The following FRMPD4 variants were observed in gnomAD, a reference collection of about 807,000 sequenced individuals.
FRMPD4 encodes the protein FERM and PDZ domain-containing protein 4.
FRMPD4 carries 22 observed loss-of-function variants against 94.1 expected under a neutral mutation model. That is an observed-to-expected ratio of 0.23 (90% CI 0.17 to 0.33). The LOEUF (loss-of-function observed/expected upper bound fraction) is 0.33, where lower values mean the gene tolerates loss of function less well. Ranked by LOEUF, FRMPD4 falls within the 10% of genes least tolerant of loss-of-function variation. The pLI, the probability that FRMPD4 is intolerant of heterozygous loss-of-function variation, is 1.00. For missense variants in FRMPD4, 1,111 were observed against 1,339.9 expected, an observed-to-expected ratio of 0.83 and a Z score of 2.67; for synonymous variants, 631 against 548.6, an observed-to-expected ratio of 1.15 and a Z score of -2.10.
intron 3 of FRMPD4, among the ~76,000 whole-genome samples, chrX:12,083,225 G>A (rs894890668): frequency 2.7e-5 from 3 of 112,768 alleles, no homozygotes; most frequent in Non-Finnish European, 3.8e-5. Flanking sequence ...CTAGGGACTT[G>A]GTGCCCTGCG....
intron 1 of FRMPD4, among the ~76,000 whole-genome samples, chrX:12,389,148 A>G (rs1331831859): frequency 9.2e-6 from 1 of 108,683 alleles, no homozygotes; most frequent in Non-Finnish European, 1.9e-5. Flanking sequence ...TGTGGTGGAT[A>G]TAGCTAATAA....
Position 12,362,408 on chromosome X carries a change from C to T in FRMPD4, c.42-136272C>T, listed in dbSNP as rs978518606. Among the ~76,000 whole-genome samples, 6 of 110,361 alleles carry T rather than the reference C, an allele frequency of 5.4e-5. No individual in the cohort carries two copies. The East Asian group carries it at 1.1e-3, about 21-fold the overall frequency. On this transcript the variant is annotated intron_variant, in intron 1 of 16. Transcript: ENST00000675598. ...TGTGTGATGTTCCCCACCCTGTGTCCAAGTGTTCTCATTGTTCAATTCCCA... is the reference window on the plus strand; with the variant it reads ...TGTGTGATGTTCCCCACCCTGTGTCTAAGTGTTCTCATTGTTCAATTCCCA...
At chrX:12,563,457 G>C (rs1602136675) in intron 2 of FRMPD4, among the ~76,000 whole-genome samples, 2 of 111,885 alleles carry the variant, frequency 1.8e-5, no homozygotes, top group East Asian at 5.6e-4. Context: ...GTGACCGCTG[G>C]TCTGAATCAT....
intron 2 of FRMPD4, among the ~76,000 whole-genome samples, chrX:12,593,736 T>C (rs771360845): frequency 8.9e-6 from 1 of 111,840 alleles, no homozygotes; most frequent in Non-Finnish European, 1.9e-5. Context: ...TCCCTCGGTC[T>C]CATGTTTCTT....
At chrX:12,261,526 C>A (rs2054189201) in intron 1 of FRMPD4, among the ~76,000 whole-genome samples, 1 of 111,472 alleles carries the variant, frequency 9.0e-6, no homozygotes, top group Non-Finnish European at 1.9e-5. Flanking sequence ...TAAAGGACTG[C>A]CAAACATTAT....
chrX:12,209,638 G>C (rs2056733336), intron 1 of FRMPD4, among the ~76,000 whole-genome samples: 1 of 112,278 alleles, frequency 8.9e-6, no homozygotes, highest in Non-Finnish European at 1.9e-5. Context: ...CTTGGTTCAT[G>C]GGAGTGGTTG....
At chrX:12,517,478 G>T (rs2058112578) in intron 2 of FRMPD4, among the ~76,000 whole-genome samples, 1 of 107,560 alleles carries the variant, frequency 9.3e-6, no homozygotes, top group African/African-American at 3.4e-5. Flanking sequence ...GCCATGGTTT[G>T]CTGGGAATCC....
Position 12,321,104 on chromosome X carries a change from T to C in FRMPD4, c.42-177576T>C, listed in dbSNP as rs186300469. Among the ~76,000 whole-genome samples, 3 of 112,665 alleles carry C rather than the reference T, an allele frequency of 2.7e-5. No individual in the cohort carries two copies. In the Admixed American group the frequency reaches 2.8e-4, roughly 11 times the overall value. On this transcript the variant is annotated intron_variant, in intron 1 of 16. Transcript: ENST00000675598. ...AAGCCAGATCTACTCATCAAAAATT[T>C]CAGCTAATTGAGTTTATTGCTTTGA...
intron 3 of FRMPD4, among the ~76,000 whole-genome samples, chrX:12,047,245 A>C (rs1330167287): frequency 2.7e-5 from 3 of 110,304 alleles, no homozygotes; most frequent in Admixed American, 9.7e-5. Context: ...ACATATATAA[A>C]GTACATATAA....
chrX:12,623,867 G>T (rs1286443076), intron 4 of FRMPD4, among the ~76,000 whole-genome samples: 1 of 112,100 alleles, frequency 8.9e-6, no homozygotes, highest in Non-Finnish European at 1.9e-5. Context: ...TATTCAAAAT[G>T]CTAGGAAGAA....
In FRMPD4 at chrX:12,223,946, G is replaced by A. The variant is rs942313845; in HGVS notation, c.41+84934G>A. Among the ~76,000 whole-genome samples, 8 of 110,746 alleles carry A rather than the reference G, an allele frequency of 7.2e-5. No homozygotes were observed. In the Admixed American group the frequency reaches 7.8e-4, roughly 11 times the overall value. ...TTACATAATTGTATCGTTTAGCGTC[G>A]AGTTTATCAGCCTCAGCACTATTGA... On this transcript the variant is annotated intron_variant, in intron 1 of 16. Transcript: ENST00000675598.
intron 1 of FRMPD4, among the ~76,000 whole-genome samples, chrX:11,843,758 C>T (rs559563479): frequency 1.8e-5 from 2 of 109,515 alleles, no homozygotes; most frequent in South Asian, 7.8e-4. Flanking sequence ...GCTGTGTTCA[C>T]CAGGCTGATG....
chrX:12,716,005 A>ACCCCCCCCC, intron 14 of FRMPD4, 64 bp from the exon 15 acceptor site: 1 of 134,926 alleles, frequency 7.4e-6, no homozygotes, highest in Non-Finnish European at 1.5e-5. Flanking sequence ...CGAGCCTCCC[A>ACCCCCCCCC]CCCCCGCCCC....
chrX:11,927,155 A>AAAAAAAGTATAATATACCTAGG (rs1249059534), intron 3 of FRMPD4, among the ~76,000 whole-genome samples: 2 of 110,744 alleles, frequency 1.8e-5, no homozygotes, highest in East Asian at 5.6e-4. Context: ...GCCACAAAAA[A>AAAAAAAGTATAATATACCTAGG]AAAAAAGTAT....
At chrX:12,325,083 CAACCT>C (rs1233256193) in intron 1 of FRMPD4, among the ~76,000 whole-genome samples, 3 of 112,342 alleles carry the variant, frequency 2.7e-5, no homozygotes. Context: ...TAAATGAACC[CAACCT>C]GTTTTCCTTT....
At chrX:12,415,076 G>A (rs2056782531) in intron 1 of FRMPD4, among the ~76,000 whole-genome samples, 1 of 111,051 alleles carries the variant, frequency 9.0e-6, no homozygotes, top group Non-Finnish European at 1.9e-5. Flanking sequence ...CCAAGATAAG[G>A]AGGGTGTTGA....
chrX:12,140,700 T>G (rs748788425), intron 1 of FRMPD4, among the ~76,000 whole-genome samples: 1 of 112,515 alleles, frequency 8.9e-6, no homozygotes, highest in East Asian at 2.8e-4. Flanking sequence ...ACTTAGGAAC[T>G]TTGGAGAGGA....
chrX:12,308,569 T>C (rs1351248852), intron 1 of FRMPD4, among the ~76,000 whole-genome samples: 1 of 111,491 alleles, frequency 9.0e-6, no homozygotes, highest in Non-Finnish European at 1.9e-5. Flanking sequence ...TATAATAAGC[T>C]CTTGAAGGAG....
chrX:12,134,831 G>A (rs1175003501), upstream of FRMPD4, among the ~76,000 whole-genome samples: 1 of 112,601 alleles, frequency 8.9e-6, no homozygotes, highest in Non-Finnish European at 1.9e-5. Flanking sequence ...TGCCAAGGCT[G>A]CAGACAGCTG....
Sources: allele counts gnomAD v4.1 joint callset (sites outside exome capture counted in the v4.1 genomes callset), GRCh38; gene constraint gnomAD v4.1.1; transcripts MANE v1.5; gene names NCBI Gene and HGNC (gene_info 2026-07-23, HGNC 2026-07-21).